ODF2: variants seen among roughly 807,000 people sequenced by gnomAD.
The protein encoded by ODF2 is outer dense fiber protein 2.
Under a neutral mutation model 110.2 loss-of-function variants are expected in ODF2, and 47 were observed. That is an observed-to-expected ratio of 0.43 (90% CI 0.34 to 0.54). The LOEUF (loss-of-function observed/expected upper bound fraction) is 0.54, where lower values mean the gene tolerates loss of function less well. Ranked by LOEUF, ODF2 falls within the 20% of genes least tolerant of loss-of-function variation. The probability of loss-of-function intolerance (pLI) is 0.03; values close to 1 mark genes in which losing one functional copy is unlikely to be tolerated. For missense variants in ODF2, 812 were observed against 1,054.5 expected (o/e 0.77, Z 3.19); for synonymous variants, 352 against 397.7 (o/e 0.89, Z 1.37).
At chr9:128,498,562 A>T in exon 19 of ODF2, 1 of 1,584,862 alleles carries the variant, frequency 6.3e-7, no homozygotes, top group Non-Finnish European at 8.6e-7. Flanking sequence ...GCCATTGAAG[A>T]TGCGAGGAGG....
chr9:128,487,804 AAC>A (rs5900801), intron 13 of ODF2, 84 bp from the exon 14 acceptor site: 4,845 of 77,962 alleles, frequency 0.062, 29 homozygotes, highest in African/African-American at 0.17. Flanking sequence ...AAACAAACAA[AAC>A]ACACACACAC....
chr9:128,460,196 T>G (rs1836050857), intron 3 of ODF2: 1 of 1,306,242 alleles, frequency 7.7e-7, no homozygotes. Flanking sequence ...TGCTTTCCGC[T>G]GTGCTTCACT....
chr9:128,487,244 G>A (rs1347518771), intron 13 of ODF2, among the ~76,000 whole-genome samples: 1 of 152,128 alleles, frequency 6.6e-6, no homozygotes, highest in Non-Finnish European at 1.5e-5. Flanking sequence ...GCCACACCCA[G>A]CCCACACTTC....
intron 5 of ODF2, 86 bp from the exon 6 acceptor site, chr9:128,471,222 A>G: frequency 7.2e-7 from 1 of 1,396,060 alleles, no homozygotes; most frequent in Non-Finnish European, 9.6e-7. Flanking sequence ...CCGGGGCCTT[A>G]TTTTGGTCCA....
chr9:128,469,079 G>A (rs1446087362), intron 4 of ODF2, 104 bp from the exon 5 acceptor site: 3 of 1,114,208 alleles, frequency 2.7e-6, no homozygotes, highest in Non-Finnish European at 3.9e-6. Context: ...CGAGTTAGCT[G>A]TTACAGCTTT....
At chr9:128,479,645 CT>C (rs61377408) in intron 8 of ODF2, among the ~76,000 whole-genome samples, 38,877 of 152,002 alleles carry the variant, frequency 0.26, 5,467 homozygotes, top group East Asian at 0.39. Context: ...TAGAGAGGCA[CT>C]TTGTATATGC....
At chr9:128,456,215 T>A in exon 1 of ODF2, 1 of 1,547,406 alleles carries the variant, frequency 6.5e-7, no homozygotes. Context: ...CTTCAACGAC[T>A]TCATAAGGCG....
At chr9:128,466,939 T>G (rs2131612451) in intron 4 of ODF2, among the ~76,000 whole-genome samples, 1 of 120,494 alleles carries the variant, frequency 8.3e-6, no homozygotes, top group South Asian at 2.9e-4. Flanking sequence ...ATTGCACCAC[T>G]GCACTCCAGC....
At chr9:128,472,145 C>T (rs868076178) in intron 6 of ODF2, among the ~76,000 whole-genome samples, 6 of 151,996 alleles carry the variant, frequency 3.9e-5, no homozygotes, top group African/African-American at 7.2e-5. Flanking sequence ...CCGGGCGTCG[C>T]GGCGGGCGCC....
chr9:128,480,467 C>T (rs1346749732), intron 8 of ODF2, among the ~76,000 whole-genome samples: 2 of 152,154 alleles, frequency 1.3e-5, no homozygotes, highest in Admixed American at 6.5e-5. Flanking sequence ...TTATAGTCAC[C>T]ATGCTGTACA....
intron 11 of ODF2, among the ~76,000 whole-genome samples, chr9:128,484,351 G>T (rs1298955420): frequency 6.6e-6 from 1 of 152,162 alleles, no homozygotes; most frequent in Admixed American, 6.5e-5. Context: ...GGAAAGGGAT[G>T]GTCTCTTTGT....
At chr9:128,472,890 C>T (rs755754724) in intron 6 of ODF2, 23 bp from the exon 7 acceptor site, 21 of 1,613,262 alleles carry the variant, frequency 1.3e-5, no homozygotes, top group East Asian at 2.2e-5. Flanking sequence ...GGAGGGCTCA[C>T]AGAGCCGTCT....
At chr9:128,462,758 C>T (rs1377013119) in intron 4 of ODF2, among the ~76,000 whole-genome samples, 1 of 152,002 alleles carries the variant, frequency 6.6e-6, no homozygotes, top group African/African-American at 2.4e-5. Context: ...CGCCACCATG[C>T]CCGGCTAATT....
chr9:128,462,645 G>A (rs1439149371), intron 4 of ODF2, among the ~76,000 whole-genome samples: 1 of 151,566 alleles, frequency 6.6e-6, no homozygotes, highest in Non-Finnish European at 1.5e-5. Context: ...TGTCACCCAG[G>A]CTGGAGTGCA....
At chr9:128,493,067 A>T (rs1246381251) in intron 16 of ODF2, among the ~76,000 whole-genome samples, 8 of 139,240 alleles carry the variant, frequency 5.7e-5, no homozygotes, top group Admixed American at 1.5e-4. Context: ...CTCCTTTTCA[A>T]TTTTCTTAAA....
chr9:128,490,604 A>G (rs1471904457), intron 14 of ODF2, among the ~76,000 whole-genome samples: 1 of 152,082 alleles, frequency 6.6e-6, no homozygotes, highest in Non-Finnish European at 1.5e-5. Flanking sequence ...ATAATTATAA[A>G]AGTTAAATAT....
intron 8 of ODF2, among the ~76,000 whole-genome samples, chr9:128,481,250 T>G (rs1200868378): frequency 1.3e-5 from 2 of 152,156 alleles, no homozygotes; most frequent in Admixed American, 1.3e-4. Context: ...GCAGGCAGAT[T>G]GTTTGAACCC....
chr9:128,494,749 G>A lies in ODF2; in HGVS notation c.1911+81G>A, dbSNP rs1291225091. ...CAAGATGAGCTGCACGCCCCCCAAG[G>A]GAGGACTACTTCCTTTTTCTTGGCT... On this transcript the variant is annotated intron_variant, in intron 17 of 20. Coordinates refer to ENST00000604420, the Ensembl canonical transcript of ODF2. The surrounding 1 kb of genome is among the most constrained non-coding windows in gnomAD (Gnocchi z 4.6). The A allele has an allele frequency of 6.2e-7, 1 of 1,612,886 alleles. No homozygotes were observed. The highest frequency in any genetic ancestry group is 8.5e-7 in the Non-Finnish European group (1 of 1,179,620).
At chr9:128,482,167 A>C (rs1294826605) in intron 9 of ODF2, among the ~76,000 whole-genome samples, 2 of 152,216 alleles carry the variant, frequency 1.3e-5, no homozygotes, top group African/African-American at 4.8e-5. Flanking sequence ...AGCTTCTTTC[A>C]AGACTTTTTT....
Sources: allele counts gnomAD v4.1 joint callset (sites outside exome capture counted in the v4.1 genomes callset), GRCh38; gene constraint gnomAD v4.1.1; non-coding constraint Gnocchi (gnomAD v3.1); transcripts MANE v1.5; gene names NCBI Gene and HGNC (gene_info 2026-07-23, HGNC 2026-07-21).